SOCS4: variants seen among roughly 807,000 people sequenced by gnomAD.
SOCS4 encodes the protein SH2 domain containing SOCS box protein.
Under a neutral mutation model 34.1 loss-of-function variants are expected in SOCS4, and 20 were observed. That is an observed-to-expected ratio of 0.59 (90% CI 0.41 to 0.85). SOCS4 has a LOEUF of 0.85. SOCS4 is among the 40% of genes least tolerant of loss of function. SOCS4 has a pLI of 0.00. For missense variants in SOCS4, 479 were observed against 532.4 expected, an observed-to-expected ratio of 0.90 and a Z score of 0.99; for synonymous variants, 180 against 186.4, an observed-to-expected ratio of 0.97 and a Z score of 0.28.
chr14:55,040,664 T>C (rs555567014), intron 2 of SOCS4, among the ~76,000 whole-genome samples: 2 of 151,862 alleles, frequency 1.3e-5, no homozygotes, highest in East Asian at 3.9e-4. Context: ...GAATGGCATG[T>C]ACCCGGGAGG....
At chr14:55,030,059 C>T (rs1011881948) in intron 1 of SOCS4, among the ~76,000 whole-genome samples, 5 of 152,092 alleles carry the variant, frequency 3.3e-5, no homozygotes, top group African/African-American at 1.2e-4. Flanking sequence ...CACACACCTG[C>T]GAAATGTCAG....
rs1294477932 is a variant in SOCS4, at chr14:55,043,987, G to A, written c.946G>A (p.Glu316Lys). 4 of 1,614,120 alleles carry A rather than the reference G, an allele frequency of 2.5e-6. No individual in the cohort carries two copies. In the South Asian group the frequency reaches 3.3e-5, roughly 13 times the overall value. The change falls in exon 3 of 3, where the codon GAA becomes AAA. Residue 316 changes from glutamate (E) to lysine (K), a missense_variant. Glu to Lys is a moderately conservative substitution (Grantham distance 56). Transcript: ENST00000555846. ...GTFLLRDSAQ[E>K]DYLFSVSFRR... ...CTTTTTACTTCGAGACTCAGCACAG[G>A]AAGACTATTTATTCTCTGTTAGTTT...
At chr14:55,036,590 C>T (rs1353211919) in intron 2 of SOCS4, among the ~76,000 whole-genome samples, 2 of 152,068 alleles carry the variant, frequency 1.3e-5, no homozygotes, top group African/African-American at 4.8e-5. Context: ...GTGATCCACC[C>T]GTCTCGGCCT....
chr14:55,030,206 G>A (rs8015717), intron 1 of SOCS4, among the ~76,000 whole-genome samples: 2 of 152,160 alleles, frequency 1.3e-5, no homozygotes, highest in East Asian at 1.9e-4. Context: ...TAATTTGTAC[G>A]TAAAACTTGT....
At position 55,043,368 on chromosome 14, in the gene SOCS4, T is replaced by C; in HGVS notation, c.327T>C (p.Ser109=). The C allele has an allele frequency of 6.2e-7, 1 of 1,614,244 alleles. No homozygotes were observed. ...AGTGTTTTCCAATAAAGAATTGTAG[T>C]AGTCGGCACTCTTCAGGGCTTCCGT... ...VGQCFPIKNC[S]SRHSSGLPSK... Residue 109 remains serine (S), a synonymous_variant, in exon 3 of 3, where the codon AGT becomes AGC. Transcript: ENST00000555846.
At chr14:55,038,209 A>G (rs1015042828) in intron 2 of SOCS4, among the ~76,000 whole-genome samples, 1 of 152,346 alleles carries the variant, frequency 6.6e-6, no homozygotes, top group East Asian at 1.9e-4. Context: ...AACTGCCCTC[A>G]TGATTCAATT....
At chr14:55,033,815 A>C (rs2042548863) in intron 2 of SOCS4, among the ~76,000 whole-genome samples, 2 of 152,250 alleles carry the variant, frequency 1.3e-5, no homozygotes, top group Admixed American at 1.3e-4. Context: ...AAAATAATAC[A>C]ATCCACGAAA....
intron 2 of SOCS4, among the ~76,000 whole-genome samples, chr14:55,036,804 C>T (rs1265425716): frequency 2.6e-5 from 4 of 152,054 alleles, no homozygotes; most frequent in South Asian, 2.1e-4. Flanking sequence ...AGCATACCCA[C>T]GAACTTTTCT....
At chr14:55,028,794 A>T (rs907442490) in intron 1 of SOCS4, among the ~76,000 whole-genome samples, 2 of 152,210 alleles carry the variant, frequency 1.3e-5, no homozygotes, top group Non-Finnish European at 2.9e-5. Flanking sequence ...CGAGTTTAAC[A>T]GTCCTGGGTT....
At chr14:55,033,302 GA>G (rs1054954918) in intron 2 of SOCS4, among the ~76,000 whole-genome samples, 10 of 152,146 alleles carry the variant, frequency 6.6e-5, no homozygotes, top group South Asian at 2.1e-4. Context: ...CAACATGATT[GA>G]TTTTTTTATA....
chr14:55,044,139 C>T lies in SOCS4; in HGVS notation c.1098C>T (p.Asp366=). The T allele has an allele frequency of 6.2e-7, 1 of 1,614,156 alleles. No homozygotes were observed. The highest frequency in any genetic ancestry group is 8.5e-7 in the Non-Finnish European group (1 of 1,180,010). ...DITGLLEHYK[D]PSACMFFEPL... is the part of the protein sequence containing the mutation. Reference sequence around the variant, plus strand: ...CTGGGCTCCTAGAACATTATAAGGACCCAAGCGCCTGTATGTTCTTTGAAC... The same window carrying T: ...CTGGGCTCCTAGAACATTATAAGGATCCAAGCGCCTGTATGTTCTTTGAAC... Residue 366 remains aspartate, a synonymous_variant, in exon 3 of 3, where the codon GAC becomes GAT. Transcript: ENST00000555846.
In SOCS4 at chr14:55,048,955, C is replaced by T. The variant is rs561068226; in HGVS notation, c.*4591C>T. The T allele has an allele frequency of 9.2e-4, 153 of 167,088 alleles. No individual in the cohort carries two copies. The highest frequency in any genetic ancestry group is 3.5e-3 in the African/African-American group (146 of 41,562). 10.4% of individuals were successfully genotyped at this position (167,088 alleles called of 1,614,324 possible). A position where few individuals can be genotyped will look rare whatever the true frequency, so the allele number is the denominator to read the frequency against. ...ATGCTGCATAATTACATTCACTTCT[C>T]TTAGACTGTAAAAGACTTTCTTGAC... On this transcript the variant is annotated 3_prime_UTR_variant, in exon 3 of 3. Transcript: ENST00000555846.
At chr14:55,032,378 A>C (rs1197125765) in intron 2 of SOCS4, among the ~76,000 whole-genome samples, 1 of 152,250 alleles carries the variant, frequency 6.6e-6, no homozygotes, top group South Asian at 2.1e-4. Context: ...GAAAATTGAC[A>C]TAATGGGCAC....
At chr14:55,042,685 G>A (rs2042630967) in intron 2 of SOCS4, among the ~76,000 whole-genome samples, 1 of 152,164 alleles carries the variant, frequency 6.6e-6, no homozygotes, top group African/African-American at 2.4e-5. Context: ...GTTGATAGAG[G>A]AGGCTTGGCT....
chr14:55,029,382 C>G (rs1160964669), intron 1 of SOCS4, among the ~76,000 whole-genome samples: 1 of 152,136 alleles, frequency 6.6e-6, no homozygotes. Flanking sequence ...GCTAAATGAA[C>G]TGACTGAAAA....
chr14:55,045,390 A>G lies in SOCS4; in HGVS notation c.*1026A>G, dbSNP rs2042665807. ...GTAGTTTTTCATTATTTTAAGTTGA[A>G]TTTGAATAAAGATTCCAGAAATAAA... On this transcript the variant is annotated 3_prime_UTR_variant, in exon 3 of 3. Transcript: ENST00000555846. 1 of 166,990 alleles carries G rather than the reference A, an allele frequency of 6.0e-6. No homozygotes were observed. Among genetic ancestry groups the G allele is most frequent in the Non-Finnish European group, 1.5e-5 (1 of 68,032 alleles). The allele number at this position is 166,990 out of a possible 1,614,324, so 10.3% of individuals were successfully genotyped here.
At chr14:55,041,781 A>ATTTTTTTTT (rs2042620490) in intron 2 of SOCS4, among the ~76,000 whole-genome samples, 1 of 72,874 alleles carries the variant, frequency 1.4e-5, no homozygotes, top group Non-Finnish European at 2.7e-5. Context: ...CCAACCCTTA[A>ATTTTTTTTT]TCTTTTTTTT....
intron 1 of SOCS4, among the ~76,000 whole-genome samples, chr14:55,031,486 A>C (rs923204772): frequency 6.6e-6 from 1 of 152,200 alleles, no homozygotes; most frequent in African/African-American, 2.4e-5. Flanking sequence ...TTGAGAGAAG[A>C]AGCATTTCCC....
intron 1 of SOCS4, among the ~76,000 whole-genome samples, chr14:55,029,148 T>C (rs76518514): frequency 6.6e-6 from 1 of 152,160 alleles, no homozygotes; most frequent in African/African-American, 2.4e-5. Flanking sequence ...CTTCAGTGAG[T>C]TTATGGTCTT....
Sources: gnomAD v4.1 joint callset for allele counts (sites outside exome capture counted in the v4.1 genomes callset) on GRCh38, gnomAD v4.1.1 for gene constraint, MANE v1.5 for transcripts, NCBI Gene and HGNC (gene_info 2026-07-23, HGNC 2026-07-21) for gene names.